The following PLXNA1 variants were observed in gnomAD, a reference collection of about 807,000 sequenced individuals.
PLXNA1 encodes plexin-A1.
In PLXNA1, 77 loss-of-function variants were observed where a neutral mutation model predicts 191.7. The ratio of observed to expected loss-of-function variants is 0.40; its 90% CI spans 0.33 to 0.49. The LOEUF (loss-of-function observed/expected upper bound fraction) is 0.49, where lower values mean the gene tolerates loss of function less well. PLXNA1 is among the 20% of genes least tolerant of loss of function. PLXNA1 has a pLI of 0.63. For synonymous variants in PLXNA1, 1,137 were observed against 1,156.4 expected (o/e 0.98, Z 0.34); for missense variants, 2,110 against 2,660.2 (o/e 0.79, Z 4.55).
Position 127,032,107 on chromosome 3 carries a change from G to A in PLXNA1, c.5232-280G>A, listed in dbSNP as rs1285531449. ...GTGGCTGTGTGGAGTGGGCCCCTGA[G>A]GGCCTGGTCACATCTTGCCCTTGTG... On this transcript the variant is annotated intron_variant, in intron 29 of 31. Transcript: ENST00000393409. 6.9e-6 allele frequency: 3 copies of A among 433,230 alleles called. No homozygotes were observed. In the East Asian group the frequency reaches 1.4e-4, roughly 20 times the overall value. The allele number at this position is 433,230 out of a possible 1,614,324, so 26.8% of individuals were successfully genotyped here.
In PLXNA1 at chr3:127,003,315, C is replaced by T. The variant is rs761654536; in HGVS notation, c.1378-15C>T. Reference sequence around the variant, plus strand: ...GTATCAGCACAGCTCCAGTTAGGGCCCCTTGCTGCCGCAGATCCTGGTGGA... The same window carrying T: ...GTATCAGCACAGCTCCAGTTAGGGCTCCTTGCTGCCGCAGATCCTGGTGGA... On this transcript the variant is annotated splice_polypyrimidine_tract_variant and intron_variant, in intron 3 of 31. Coordinates refer to ENST00000393409, the MANE Select transcript of PLXNA1 (RefSeq NM_032242.4). 1 of 1,581,194 alleles carries T rather than the reference C, an allele frequency of 6.3e-7. No homozygotes were observed.
At chr3:127,031,236 AC>A (rs1188905776) in intron 29 of PLXNA1, among the ~76,000 whole-genome samples, 1 of 152,136 alleles carries the variant, frequency 6.6e-6, no homozygotes, top group South Asian at 2.1e-4. Flanking sequence ...TCCGGTTGGC[AC>A]ACTGTAGCCA....
At position 126,989,703 on chromosome 3, in the gene PLXNA1, G is replaced by A. The variant is rs577239634; in HGVS notation, c.1110G>A (p.Lys370=). The A allele has an allele frequency of 7.0e-5, 113 of 1,613,002 alleles. No individual in the cohort carries two copies. Among genetic ancestry groups the A allele is most frequent in the Non-Finnish European group, 9.2e-5 (108 of 1,180,036 alleles). Residue 370 remains lysine, a synonymous_variant, in exon 2 of 32, where the codon AAG becomes AAA. Transcript: ENST00000393409. Reference sequence around the variant, plus strand: ...TCAGGGCCATCAAGGAGAAGATTAAGGAGCGCATCCAGTCCTGCTACCGTG... The same window carrying A: ...TCAGGGCCATCAAGGAGAAGATTAAAGAGCGCATCCAGTCCTGCTACCGTG... ...FTLRAIKEKI[K]ERIQSCYRGE...
rs1190232126 is a variant in PLXNA1, at chr3:127,012,076, G to A, written c.2231G>A (p.Cys744Tyr). 1 of 1,613,688 alleles carries A rather than the reference G, an allele frequency of 6.2e-7. No homozygotes were observed. Among genetic ancestry groups the A allele is most frequent in the Non-Finnish European group, 8.5e-7 (1 of 1,180,052 alleles). ...CAGTCAGGCCAGCGTGGATATGAGT[G>A]CCTCTTCCACATCCCGGGCAGCCCG... ...QPQSGQRGYE[C>Y]LFHIPGSPAR... The change falls in exon 10 of 32, where the codon TGC (cysteine) becomes TAC (tyrosine). Residue 744 changes from cysteine to tyrosine, a missense_variant. By Grantham distance (194) the Cys-to-Tyr change is radical. This residue lies in a region of PLXNA1 where 4 missense variants were observed against 18.7 expected (regional missense o/e 0.21). Coordinates refer to ENST00000393409, the MANE Select transcript of PLXNA1 (RefSeq NM_032242.4).
Position 127,032,488 on chromosome 3 carries a change from A to G in PLXNA1, c.5333A>G (p.Gln1778Arg). The G allele has an allele frequency of 6.2e-7, 1 of 1,614,040 alleles. No individual in the cohort carries two copies. Among genetic ancestry groups the G allele is most frequent in the Non-Finnish European group, 8.5e-7 (1 of 1,179,996 alleles). The change falls in exon 30 of 32, where the codon CAG (glutamine) becomes CGG (arginine). Residue 1778 changes from glutamine (Q) to arginine (R), a missense_variant. This residue lies in a region of PLXNA1 where 559 missense variants were observed against 911.5 expected (regional missense o/e 0.61). Transcript: ENST00000393409. The part of the protein sequence containing the change: ...ITDACLSVVA[Q>R]TFMDSCSTSE... ...GACGCCTGCTTGTCGGTGGTGGCCC[A>G]GACCTTCATGGACTCCTGCTCCACC...
rs554346857 is a variant in PLXNA1, at chr3:127,004,740, G to A, written c.1619+29G>A. On this transcript the variant is annotated intron_variant, in intron 5 of 31. Transcript: ENST00000393409. ...AGTCTGGGCAGGTGGGCAGGGGCAGGCGGGGAGGGCCATGGTGGTCTCACA... is the reference window on the plus strand; with the variant it reads ...AGTCTGGGCAGGTGGGCAGGGGCAGACGGGGAGGGCCATGGTGGTCTCACA... The A allele has an allele frequency of 1.3e-5, 21 of 1,580,510 alleles. No individual in the cohort carries two copies. The South Asian group carries it at 1.9e-4, about 15-fold the overall frequency.
At chr3:127,010,159 G>T (rs746940439) in intron 9 of PLXNA1, among the ~76,000 whole-genome samples, 2 of 152,220 alleles carry the variant, frequency 1.3e-5, no homozygotes, top group Admixed American at 1.3e-4. Flanking sequence ...GGGAGACTAT[G>T]CACTGGGGAG....
intron 1 of PLXNA1, among the ~76,000 whole-genome samples, chr3:126,984,822 C>T (rs1312583482): frequency 2.6e-5 from 4 of 152,224 alleles, no homozygotes; most frequent in East Asian, 1.9e-4. Flanking sequence ...AGCCCCCGTG[C>T]ACAGAGCAGC....
At chr3:127,030,104 C>T in intron 28 of PLXNA1, 40 bp downstream of exon 28, 1 of 1,601,286 alleles carries the variant, frequency 6.2e-7, no homozygotes, top group Admixed American at 1.7e-5. Flanking sequence ...GACGCTGGGC[C>T]AACTGAGCTC....
At chr3:127,028,647 G>A (rs1049145119) in intron 25 of PLXNA1, 1 of 529,138 alleles carries the variant, frequency 1.9e-6, no homozygotes, top group African/African-American at 1.9e-5. Flanking sequence ...AGGGCCAGAG[G>A]GGATGGGACG....
Position 127,014,046 on chromosome 3 carries a change from C to A in PLXNA1, c.2340C>A (p.Ser780Arg). Residue 780 changes from serine (S) to arginine (R), a missense_variant, in exon 11 of 32, where the codon AGC (serine) becomes AGA (arginine). Physicochemically the swap from Ser to Arg is moderately radical, Grantham distance 110. This residue lies in a region of PLXNA1 where 644 missense variants were observed against 714.3 expected (regional missense o/e 0.90). Transcript: ENST00000393409. ...SSYSYEGNDVSDLPVNLSVVW... is the reference protein window; with the variant it reads ...SSYSYEGNDVRDLPVNLSVVW... ...ACTCCTACGAGGGGAACGATGTCAG[C>A]GACCTGCCAGTGAACCTGTCAGTCG... The A allele has an allele frequency of 6.2e-7, 1 of 1,613,860 alleles. No individual in the cohort carries two copies. Among genetic ancestry groups the A allele is most frequent in the Non-Finnish European group, 8.5e-7 (1 of 1,179,948 alleles).
chr3:127,006,159 A>G lies in PLXNA1; in HGVS notation c.1978A>G (p.Asn660Asp). 1 of 1,613,600 alleles carries G rather than the reference A, an allele frequency of 6.2e-7. No individual in the cohort carries two copies. The highest frequency in any genetic ancestry group is 8.5e-7 in the Non-Finnish European group (1 of 1,179,868). ...TGCGTCTGTGGACTTCGTCTTCTAC[A>G]ACTGCAGCGTCCACCAGTCGTGAGT... ...KFASVDFVFY[N>D]CSVHQSCLSC... The change falls in exon 8 of 32, where the codon AAC becomes GAC. Residue 660 changes from asparagine to aspartate, a missense_variant. By Grantham distance (23) the Asn-to-Asp change is conservative (BLOSUM62 1). This residue lies in a region of PLXNA1 where 903 missense variants were observed against 1,015.7 expected (regional missense o/e 0.89). Coordinates refer to ENST00000393409, the MANE Select transcript of PLXNA1 (RefSeq NM_032242.4).
Position 127,018,284 on chromosome 3 carries a change from C to T in PLXNA1, c.3661-10C>T. 2 of 1,587,596 alleles carry T rather than the reference C, an allele frequency of 1.3e-6. No individual in the cohort carries two copies. Among genetic ancestry groups the T allele is most frequent in the Non-Finnish European group, 8.6e-7 (1 of 1,165,754 alleles). ...TGGGAAGCTCCTGAGTGGCCTCCACCCACTGGCAGGTGCGGGCAGGTGGCT... is the reference window on the plus strand; with the variant it reads ...TGGGAAGCTCCTGAGTGGCCTCCACTCACTGGCAGGTGCGGGCAGGTGGCT... On this transcript the variant is annotated splice_polypyrimidine_tract_variant and intron_variant, in intron 19 of 31. Coordinates refer to ENST00000393409, the MANE Select transcript of PLXNA1 (RefSeq NM_032242.4).
intron 3 of PLXNA1, among the ~76,000 whole-genome samples, chr3:127,000,419 G>A (rs768681575): frequency 6.6e-6 from 1 of 152,180 alleles, no homozygotes; most frequent in African/African-American, 2.4e-5. Context: ...GGGTGTGGGC[G>A]TCGGCACGTG....
At chr3:126,983,502 G>T (rs1267308374) in intron 1 of PLXNA1, among the ~76,000 whole-genome samples, 2 of 146,320 alleles carry the variant, frequency 1.4e-5, no homozygotes, top group African/African-American at 2.5e-5. Context: ...TGCGGCTCCG[G>T]CCCAGGCGTC....
chr3:126,991,265 C>A, intron 2 of PLXNA1, 119 bp from the exon 3 acceptor site: 1 of 1,106,798 alleles, frequency 9.0e-7, no homozygotes, highest in Non-Finnish European at 1.3e-6. Flanking sequence ...CACCTCTCCT[C>A]TGGGGGCTAC....
intron 29 of PLXNA1, 47 bp from the exon 30 acceptor site, chr3:127,032,340 G>A (rs749725001): frequency 1.4e-5 from 22 of 1,568,814 alleles, no homozygotes; most frequent in Non-Finnish European, 1.8e-5. Context: ...CACTGCTCAG[G>A]AGGGAGCAGA....
At chr3:127,033,105 G>A (rs71327785) in intron 31 of PLXNA1, among the ~76,000 whole-genome samples, 2 of 152,346 alleles carry the variant, frequency 1.3e-5, no homozygotes, top group Non-Finnish European at 2.9e-5. Flanking sequence ...TCCTGAGGCA[G>A]AGGGTGTGTG....
rs778600478 is a variant in PLXNA1 at position 127,020,184 on chromosome 3, C to T, written c.3896-18C>T. On this transcript the variant is annotated intron_variant, in intron 20 of 31. Transcript: ENST00000393409. The stretch of plus-strand genomic sequence containing the variant: ...GGCCACCAGGGCATGCTGCCCCTGA[C>T]GCCGCATCTGGCCACAGCCTTTGCA... The T allele has an allele frequency of 3.6e-5, 58 of 1,610,974 alleles. No individual in the cohort carries two copies. Among genetic ancestry groups the T allele is most frequent in the Middle Eastern group, 1.6e-4 (1 of 6,076 alleles).
Sources: allele counts gnomAD v4.1 joint callset (sites outside exome capture counted in the v4.1 genomes callset), GRCh38; gene constraint gnomAD v4.1.1; regional missense constraint gnomAD v4.1.1; transcripts MANE v1.5; gene names NCBI Gene and HGNC (gene_info 2026-07-23, HGNC 2026-07-21).